ADARB2: variants seen among roughly 807,000 people sequenced by gnomAD.
ADARB2 encodes adenosine deaminase RNA specific B2 (inactive).
A neutral mutation model predicts 62.2 loss-of-function variants in ADARB2; 25 were observed. The ratio of observed to expected loss-of-function variants is 0.40; its 90% CI spans 0.29 to 0.56. The LOEUF (loss-of-function observed/expected upper bound fraction) is 0.56, where lower values mean the gene tolerates loss of function less well. Ranked by LOEUF, ADARB2 falls within the 20% of genes least tolerant of loss-of-function variation. The probability of loss-of-function intolerance (pLI) is 0.43; values close to 1 mark genes in which losing one functional copy is unlikely to be tolerated. For missense variants in ADARB2, 1,071 were observed against 1,077.4 expected (o/e 0.99, Z 0.08); for synonymous variants, 572 against 500.8 (o/e 1.14, Z -1.90).
intron 1 of ADARB2, among the ~76,000 whole-genome samples, chr10:1,636,801 TATA>T (rs1006293673): frequency 4.7e-5 from 7 of 148,540 alleles, no homozygotes; most frequent in African/African-American, 1.5e-4. Flanking sequence ...ATATGACATA[TATA>T]ATATTGTTAT....
At chr10:1,573,599 C>T (rs1247045637) in intron 1 of ADARB2, among the ~76,000 whole-genome samples, 1 of 152,208 alleles carries the variant, frequency 6.6e-6, no homozygotes, top group Non-Finnish European at 1.5e-5. Flanking sequence ...CCTCCCCCTT[C>T]CCCTCCCAGG....
At chr10:1,349,564 A>G (rs1186229656) in intron 3 of ADARB2, among the ~76,000 whole-genome samples, 7 of 152,098 alleles carry the variant, frequency 4.6e-5, no homozygotes, top group Non-Finnish European at 7.4e-5. Flanking sequence ...CCAATTTTAA[A>G]TCCAGTAAGT....
rs555348577 is a variant in ADARB2, at chr10:1,479,723, A to C, written c.101-100563T>G. Among the ~76,000 whole-genome samples, 112 of 152,328 alleles carry C rather than the reference A, an allele frequency of 7.4e-4. 1 individual carries two copies. Among genetic ancestry groups the C allele is most frequent in the African/African-American group, 2.6e-3 (110 of 41,562 alleles). On this transcript the variant is annotated intron_variant, in intron 1 of 9. Transcript: ENST00000381312. ...AGGCCGGAGGTCAATTTACTTAGTTATTTGAGGGATTCATTTTACTATTGA... is the reference window on the plus strand; with the variant it reads ...AGGCCGGAGGTCAATTTACTTAGTTCTTTGAGGGATTCATTTTACTATTGA...
intron 3 of ADARB2, among the ~76,000 whole-genome samples, chr10:1,345,097 G>A (rs1376014120): frequency 6.6e-6 from 1 of 151,688 alleles, no homozygotes; most frequent in Non-Finnish European, 1.5e-5. Context: ...GCAGCCTCGG[G>A]TGTGAGCCAG....
intron 1 of ADARB2, among the ~76,000 whole-genome samples, chr10:1,408,119 A>G (rs1052253709): frequency 6.6e-6 from 1 of 152,226 alleles, no homozygotes; most frequent in African/African-American, 2.4e-5. Context: ...TAATTTGTAA[A>G]TATGGGTGCA....
chr10:1,594,903 C>A (rs770432999), intron 1 of ADARB2, among the ~76,000 whole-genome samples: 2 of 152,314 alleles, frequency 1.3e-5, no homozygotes, highest in East Asian at 3.9e-4. Context: ...TGGTGGGGTG[C>A]CATCCACGCA....
At chr10:1,223,163 ATTCTC>A (rs1830710376) in intron 6 of ADARB2, among the ~76,000 whole-genome samples, 1 of 151,966 alleles carries the variant, frequency 6.6e-6, no homozygotes, top group Non-Finnish European at 1.5e-5. Flanking sequence ...TAGGTATTTT[ATTCTC>A]TTTGAAGCAA....
Position 1,430,491 on chromosome 10 carries a change from T to C in ADARB2, c.101-51331A>G, listed in dbSNP as rs149902472. Among the ~76,000 whole-genome samples, 19 of 152,342 alleles carry C rather than the reference T, an allele frequency of 1.2e-4. No homozygotes were observed. In the East Asian group the frequency reaches 3.7e-3, roughly 29 times the overall value. ...CCCACAAAAACATGATTCAACAATATGCTGTCTATGTAAAACTCACTTAAA... is the reference window on the plus strand; with the variant it reads ...CCCACAAAAACATGATTCAACAATACGCTGTCTATGTAAAACTCACTTAAA... On this transcript the variant is annotated intron_variant, in intron 1 of 9. Transcript: ENST00000381312.
At chr10:1,356,516 G>A (rs1479733009) in intron 3 of ADARB2, among the ~76,000 whole-genome samples, 2 of 152,278 alleles carry the variant, frequency 1.3e-5, no homozygotes, top group African/African-American at 4.8e-5. Flanking sequence ...GCTTCAACGA[G>A]GCTCTGCTTG....
chr10:1,620,608 A>G (rs966190540), intron 1 of ADARB2, among the ~76,000 whole-genome samples: 1 of 152,186 alleles, frequency 6.6e-6, no homozygotes, highest in Non-Finnish European at 1.5e-5. Flanking sequence ...AGGGGAGACG[A>G]CTCTCCATTC....
intron 1 of ADARB2, among the ~76,000 whole-genome samples, chr10:1,539,903 A>G (rs1164211110): frequency 2.0e-5 from 3 of 152,222 alleles, no homozygotes; most frequent in Non-Finnish European, 4.4e-5. Context: ...GGAAGTAGCT[A>G]TGTTTAGAAG....
intron 1 of ADARB2, among the ~76,000 whole-genome samples, chr10:1,594,121 C>T (rs2132010183): frequency 6.6e-6 from 1 of 152,210 alleles, no homozygotes; most frequent in East Asian, 1.9e-4. Context: ...GAAACCCTGT[C>T]TCTACTAAAA....
intron 3 of ADARB2, among the ~76,000 whole-genome samples, chr10:1,325,086 G>A (rs1831832268): frequency 6.6e-6 from 1 of 152,170 alleles, no homozygotes; most frequent in African/African-American, 2.4e-5. Flanking sequence ...TGGGCCTCAC[G>A]CCAAACCTAC....
chr10:1,226,522 C>T (rs61687064), intron 6 of ADARB2, among the ~76,000 whole-genome samples: 45,705 of 152,054 alleles, frequency 0.3, 7,974 homozygotes, highest in African/African-American at 0.47. Context: ...GCTCTGTTTT[C>T]TTCCCCATCT....
chr10:1,512,881 C>A (rs540919137), intron 1 of ADARB2, among the ~76,000 whole-genome samples: 1 of 152,206 alleles, frequency 6.6e-6, no homozygotes, highest in Non-Finnish European at 1.5e-5. Flanking sequence ...ACCAGCCTTT[C>A]GCACAGCAGG....
chr10:1,504,943 TAC>T (rs568952936), intron 1 of ADARB2, among the ~76,000 whole-genome samples: 241 of 151,704 alleles, frequency 1.6e-3, no homozygotes, highest in Non-Finnish European at 2.8e-3. Flanking sequence ...CACGTACATA[TAC>T]ACAGAGACAC....
At chr10:1,187,356 C>T (rs1836773999) in intron 8 of ADARB2, among the ~76,000 whole-genome samples, 1 of 152,172 alleles carries the variant, frequency 6.6e-6, no homozygotes, top group Non-Finnish European at 1.5e-5. Flanking sequence ...CCTCCCACTC[C>T]CGTCACCAGG....
intron 1 of ADARB2, among the ~76,000 whole-genome samples, chr10:1,696,258 G>C (rs1044673549): frequency 2.7e-5 from 4 of 150,298 alleles, no homozygotes; most frequent in African/African-American, 9.9e-5. Flanking sequence ...CATGTGCATT[G>C]TGTATGTGCC....
intron 3 of ADARB2, among the ~76,000 whole-genome samples, chr10:1,303,168 C>T (rs1463146590): frequency 6.6e-6 from 1 of 151,846 alleles, no homozygotes; most frequent in African/African-American, 2.4e-5. Flanking sequence ...ATAACCAATA[C>T]AGAGAAGTGC....
Sources: allele counts gnomAD v4.1 joint callset (sites outside exome capture counted in the v4.1 genomes callset), GRCh38; gene constraint gnomAD v4.1.1; transcripts MANE v1.5; gene names NCBI Gene and HGNC (gene_info 2026-07-23, HGNC 2026-07-21).